The following ZNF595 variants were observed in gnomAD, a reference collection of about 807,000 sequenced individuals.
ZNF595 encodes the protein zinc finger protein 595.
ZNF595 carries 9 observed loss-of-function variants against 19.4 expected under a neutral mutation model. The ratio of observed to expected loss-of-function variants is 0.46; its 90% CI spans 0.28 to 0.81. The LOEUF (loss-of-function observed/expected upper bound fraction) is 0.81. ZNF595 is among the 30% of genes least tolerant of loss of function. ZNF595 has a pLI of 0.11. For missense variants in ZNF595, 729 were observed against 736.0 expected (o/e 0.99, Z 0.11); for synonymous variants, 255 against 255.9 (o/e 1.00, Z 0.03).
chr4:85,355 A>T (rs1581390106), intron 3 of ZNF595, among the ~76,000 whole-genome samples: 1 of 152,200 alleles, frequency 6.6e-6, no homozygotes, highest in African/African-American at 2.4e-5. Flanking sequence ...AGCCAGAAGT[A>T]AGGATATGTG....
rs1307840611 is a variant in ZNF595 at position 87,820 on chromosome 4, A to C, written c.*369A>C. The C allele has an allele frequency of 6.6e-6, 1 of 152,640 alleles. No homozygotes were observed. The highest frequency in any genetic ancestry group is 1.4e-5 in the Non-Finnish European group (1 of 70,182). 9.5% of individuals were successfully genotyped at this position (152,640 alleles called of 1,614,324 possible). On this transcript the variant is annotated 3_prime_UTR_variant, in exon 4 of 4. Transcript: ENST00000610261. ...ACTGCAACCTCCACCTGCTGGGTTC[A>C]AGCAATTCTCCTGCCTCAGCCTCAT...
chr4:73,164 G>A (rs1306073654), intron 3 of ZNF595, among the ~76,000 whole-genome samples: 1 of 152,150 alleles, frequency 6.6e-6, no homozygotes, highest in Admixed American at 6.5e-5. Flanking sequence ...ATTGGGGAAA[G>A]CACCAAGCAT....
chr4:67,048 C>G (rs1581333237), intron 3 of ZNF595, among the ~76,000 whole-genome samples: 1 of 141,888 alleles, frequency 7.0e-6, no homozygotes. Flanking sequence ...AATATCAAAT[C>G]AACTGACACA....
At position 87,348 on chromosome 4, in the gene ZNF595, C is replaced by A. The variant is rs1553802104; in HGVS notation, c.1844C>A (p.Thr615Asn). 1.2e-6 allele frequency: 2 copies of A among 1,613,460 alleles called. No homozygotes were observed. The highest frequency in any genetic ancestry group is 1.7e-6 in the Non-Finnish European group (2 of 1,179,848). ...CTTACTAAACATAAGATAATTCATA[C>A]TGGAGAGAAATCCTACAAATGTGAA... is the stretch of plus-strand genomic sequence containing the variant. ...SSLTKHKIIH[T>N]GEKSYKCEEC... The change falls in exon 4 of 4, where the codon ACT becomes AAT. Residue 615 changes from threonine (T) to asparagine (N), a missense_variant. By Grantham distance (65) the Thr-to-Asn change is moderately conservative. Coordinates refer to ENST00000610261, the MANE Select transcript of ZNF595 (RefSeq NM_182524.4).
At chr4:80,596 T>C (rs1560091498) in intron 3 of ZNF595, among the ~76,000 whole-genome samples, 1 of 151,834 alleles carries the variant, frequency 6.6e-6, no homozygotes, top group Non-Finnish European at 1.5e-5. Flanking sequence ...GGTGGGGCAG[T>C]TTTATAGGAT....
intron 3 of ZNF595, among the ~76,000 whole-genome samples, chr4:78,363 C>T (rs1022799075): frequency 3.3e-5 from 5 of 152,140 alleles, no homozygotes; most frequent in Non-Finnish European, 7.3e-5. Flanking sequence ...CCTTTTATGA[C>T]CCTGTGGTAT....
At chr4:80,407 A>G (rs1362288222) in intron 3 of ZNF595, among the ~76,000 whole-genome samples, 3 of 152,246 alleles carry the variant, frequency 2.0e-5, no homozygotes, top group Non-Finnish European at 2.9e-5. Context: ...ATGACAAGTC[A>G]ATGGCTGATA....
chr4:74,729 A>C (rs1560089099), intron 3 of ZNF595, among the ~76,000 whole-genome samples: 1 of 152,170 alleles, frequency 6.6e-6, no homozygotes, highest in Non-Finnish European at 1.5e-5. Context: ...ATAGGTAGAT[A>C]AGAGACAAAT....
Position 87,073 on chromosome 4 carries a change from T to C in ZNF595, c.1569T>C (p.Leu523=). The change falls in exon 4 of 4, where the codon CTT becomes CTC. Residue 523 remains leucine (L), a synonymous_variant. Transcript: ENST00000610261. ...AAGCTTTTAACCAATCCTCAGGCCT[T>C]ATTATACACAGGAGCATTCATTCTG... ...CGKAFNQSSG[L]IIHRSIHSEQ... The C allele has an allele frequency of 6.2e-7, 1 of 1,613,504 alleles. No homozygotes were observed. Among genetic ancestry groups the C allele is most frequent in the Non-Finnish European group, 8.5e-7 (1 of 1,179,868 alleles).
chr4:65,099 G>A (rs1713033800), intron 3 of ZNF595, among the ~76,000 whole-genome samples: 1 of 150,018 alleles, frequency 6.7e-6, no homozygotes, highest in East Asian at 1.9e-4. Flanking sequence ...TTGGACTATA[G>A]CTGAAGGAGT....
chr4:82,692 T>G (rs1424688856), intron 3 of ZNF595, among the ~76,000 whole-genome samples: 1 of 152,056 alleles, frequency 6.6e-6, no homozygotes, highest in African/African-American at 2.4e-5. Flanking sequence ...CCAGTTTTCT[T>G]TTTTTAATTA....
chr4:85,369 C>T (rs1230760519), intron 3 of ZNF595, among the ~76,000 whole-genome samples: 1 of 152,154 alleles, frequency 6.6e-6, no homozygotes, highest in African/African-American at 2.4e-5. Flanking sequence ...ATATGTGTAT[C>T]AGTATTTTTC....
At chr4:54,982 CG>C (rs1712559702) in intron 1 of ZNF595, among the ~76,000 whole-genome samples, 1 of 151,414 alleles carries the variant, frequency 6.6e-6, no homozygotes, top group Non-Finnish European at 1.5e-5. Context: ...CCCAGGTTCA[CG>C]CCATTCTCCT....
At chr4:78,939 C>T (rs1371907146) in intron 3 of ZNF595, among the ~76,000 whole-genome samples, 2 of 152,174 alleles carry the variant, frequency 1.3e-5, no homozygotes, top group African/African-American at 2.4e-5. Flanking sequence ...GTAATCCACT[C>T]GCCTCGGCCT....
At chr4:83,317 T>G (rs1713993108) in intron 3 of ZNF595, among the ~76,000 whole-genome samples, 1 of 152,018 alleles carries the variant, frequency 6.6e-6, no homozygotes, top group African/African-American at 2.4e-5. Flanking sequence ...CTCAAGTGAC[T>G]CTTGTGAAAA....
intron 3 of ZNF595, among the ~76,000 whole-genome samples, chr4:75,069 C>G (rs782159645): frequency 2.0e-5 from 3 of 151,754 alleles, no homozygotes; most frequent in Non-Finnish European, 4.4e-5. Context: ...TCTGATACGG[C>G]CACTGCTACA....
At chr4:75,914 G>A (rs1231372473) in intron 3 of ZNF595, among the ~76,000 whole-genome samples, 1 of 151,634 alleles carries the variant, frequency 6.6e-6, no homozygotes, top group African/African-American at 2.4e-5. Context: ...TATACAGATA[G>A]GGTCTTGCTT....
intron 3 of ZNF595, among the ~76,000 whole-genome samples, chr4:66,915 G>T (rs1443175056): frequency 6.7e-6 from 1 of 149,922 alleles, no homozygotes; most frequent in Non-Finnish European, 1.5e-5. Flanking sequence ...GGCTATCAGT[G>T]GTCCTTTGAA....
At chr4:85,536 C>G (rs1714094889) in intron 3 of ZNF595, among the ~76,000 whole-genome samples, 195 bp from the exon 4 acceptor site, 2 of 152,148 alleles carry the variant, frequency 1.3e-5, no homozygotes, top group Admixed American at 6.5e-5. Flanking sequence ...ATACAGTTAA[C>G]TCATTTACAG....
Sources: gnomAD v4.1 joint callset for allele counts (sites outside exome capture counted in the v4.1 genomes callset) on GRCh38, gnomAD v4.1.1 for gene constraint, MANE v1.5 for transcripts, NCBI Gene and HGNC (gene_info 2026-07-23, HGNC 2026-07-21) for gene names.